TMEM181: variants seen among roughly 807,000 people sequenced by gnomAD.
TMEM181 encodes transmembrane protein 181.
In TMEM181, 39 loss-of-function variants were observed where a neutral mutation model predicts 71.9. The observed-to-expected ratio is 0.54, with a 90% CI of 0.42 to 0.71. The LOEUF is 0.71. TMEM181 is among the 30% of genes least tolerant of loss of function. TMEM181 has a pLI of 0.00. For synonymous variants in TMEM181, 245 were observed against 228.8 expected (o/e 1.07, Z -0.64); for missense variants, 595 against 583.0 (o/e 1.02, Z -0.21).
intron 12 of TMEM181, 122 bp downstream of exon 12, chr6:158,625,328 C>A: frequency 1.2e-6 from 1 of 848,700 alleles, no homozygotes; most frequent in Non-Finnish European, 1.9e-6. Flanking sequence ...GGTCCATTCC[C>A]ACAGGCTGGG....
intron 2 of TMEM181, among the ~76,000 whole-genome samples, chr6:158,573,778 C>T (rs987492228): frequency 6.6e-6 from 1 of 152,230 alleles, no homozygotes; most frequent in Non-Finnish European, 1.5e-5. Context: ...GCCTTGACCA[C>T]ATGCCTTCAT....
intron 7 of TMEM181, among the ~76,000 whole-genome samples, chr6:158,606,234 AGG>A (rs1562303652): frequency 3.9e-5 from 2 of 51,628 alleles, no homozygotes; most frequent in Non-Finnish European, 8.4e-5. Flanking sequence ...GCTGGAGGGA[AGG>A]GCGTGGGCGC....
rs1786655074 is a variant in TMEM181, at chr6:158,631,397, C to T, written c.1349+8C>T. On this transcript the variant is annotated splice_region_variant and intron_variant, in intron 16 of 16. Coordinates refer to ENST00000684151, the MANE Select transcript of TMEM181 (RefSeq NM_001376852.1). ...TGATGATGTGATTTATGGGTAAGTC[C>T]CTGTCCGTTAGAAGGCCGGCACACC... 2 of 1,614,014 alleles carry T rather than the reference C, an allele frequency of 1.2e-6. No individual in the cohort carries two copies. The highest frequency in any genetic ancestry group is 1.3e-5 in the African/African-American group (1 of 74,938).
intron 1 of TMEM181, among the ~76,000 whole-genome samples, chr6:158,546,930 A>C (rs1050918458): frequency 6.6e-6 from 1 of 152,144 alleles, no homozygotes; most frequent in Non-Finnish European, 1.5e-5. Context: ...ACTGCACTCC[A>C]GCCTGGGCGA....
upstream of TMEM181, among the ~76,000 whole-genome samples, chr6:158,559,681 C>CT (rs528376168): frequency 2.1e-3 from 316 of 152,280 alleles, no homozygotes; most frequent in African/African-American, 7.3e-3. Flanking sequence ...GGCTTTTAAC[C>CT]TTTTTTGGGG....
intron 10 of TMEM181, among the ~76,000 whole-genome samples, chr6:158,618,656 T>G (rs559829870): frequency 3.3e-4 from 50 of 152,358 alleles, no homozygotes; most frequent in African/African-American, 1.1e-3. Context: ...TGTTTAGTGC[T>G]TCCTTCAGGA....
intron 10 of TMEM181, among the ~76,000 whole-genome samples, chr6:158,611,979 C>CG (rs1554228509): frequency 2.0e-5 from 2 of 99,214 alleles, no homozygotes; most frequent in East Asian, 3.6e-4. Flanking sequence ...CAGGGATACC[C>CG]CCCCCACCTC....
chr6:158,566,684 G>C (rs1381893287), intron 1 of TMEM181, among the ~76,000 whole-genome samples: 1 of 151,048 alleles, frequency 6.6e-6, no homozygotes, highest in Non-Finnish European at 1.5e-5. Flanking sequence ...GGGTGAAGGA[G>C]ATGATGGTGA....
chr6:158,573,569 G>C, intron 2 of TMEM181, 46 bp downstream of exon 2: 1 of 1,495,760 alleles, frequency 6.7e-7, no homozygotes, highest in African/African-American at 1.4e-5. Flanking sequence ...ATGCGCGGTG[G>C]CCCTGGCGTA....
At chr6:158,541,676 G>A (rs977933589) in intron 1 of TMEM181, among the ~76,000 whole-genome samples, 4 of 152,238 alleles carry the variant, frequency 2.6e-5, no homozygotes, top group African/African-American at 9.6e-5. Flanking sequence ...TTACATTCAG[G>A]TTTAAAGGTC....
At chr6:158,560,668 G>A (rs1020825118) in intron 1 of TMEM181, among the ~76,000 whole-genome samples, 42 of 152,358 alleles carry the variant, frequency 2.8e-4, no homozygotes, top group African/African-American at 9.6e-4. Flanking sequence ...GCCCCGCGCT[G>A]CCCTGCGGTC....
At chr6:158,547,602 G>A (rs1180127741) in intron 1 of TMEM181, among the ~76,000 whole-genome samples, 7 of 152,152 alleles carry the variant, frequency 4.6e-5, no homozygotes, top group African/African-American at 7.2e-5. Flanking sequence ...GGGCCTCAGC[G>A]AAGCCCTGAA....
chr6:158,622,328 C>G (rs1261167567), intron 10 of TMEM181, among the ~76,000 whole-genome samples: 2 of 152,116 alleles, frequency 1.3e-5, no homozygotes, highest in South Asian at 2.1e-4. Flanking sequence ...GCCCCAGTCC[C>G]TGTGTGTGGG....
At chr6:158,600,706 G>A (rs1784622660) in intron 6 of TMEM181, among the ~76,000 whole-genome samples, 1 of 152,048 alleles carries the variant, frequency 6.6e-6, no homozygotes, top group Admixed American at 6.5e-5. Context: ...CCTGACCTCA[G>A]GTGATCTGCC....
At chr6:158,553,411 T>A (rs1582928842) in intron 1 of TMEM181, among the ~76,000 whole-genome samples, 1 of 152,230 alleles carries the variant, frequency 6.6e-6, no homozygotes, top group Non-Finnish European at 1.5e-5. Flanking sequence ...ATTTCTCTGT[T>A]AACCATTTTT....
chr6:158,567,452 T>G (rs1224635003), intron 1 of TMEM181, among the ~76,000 whole-genome samples: 1 of 152,258 alleles, frequency 6.6e-6, no homozygotes, highest in Admixed American at 6.5e-5. Context: ...TCAGGCACTC[T>G]GCTGTGTAGT....
rs1783411044 is a variant in TMEM181, at chr6:158,580,484, ATATAT to A, written c.113-452_113-448del. On this transcript the variant is annotated intron_variant, in intron 2 of 16. Transcript: ENST00000684151. The stretch of plus-strand genomic sequence containing the variant: ...TTTATGCTTTCCTGCTTATATTAGC[ATATAT>A]TATGTTTATAGCCCTTAATAAGTAT... Among the ~76,000 whole-genome samples the A allele has an allele frequency of 2.0e-5, 3 of 152,350 alleles. No homozygotes were observed. In the South Asian group the frequency reaches 6.2e-4, roughly 32 times the overall value.
chr6:158,592,213 T>C (rs1425909594), intron 6 of TMEM181, among the ~76,000 whole-genome samples: 1 of 152,234 alleles, frequency 6.6e-6, no homozygotes, highest in Non-Finnish European at 1.5e-5. Flanking sequence ...ATGTATTGGT[T>C]GAATGAAAGA....
chr6:158,632,138 T>C lies in TMEM181; in HGVS notation c.*250T>C. 1 of 495,778 alleles carries C rather than the reference T, an allele frequency of 2.0e-6. No individual in the cohort carries two copies. The highest frequency in any genetic ancestry group is 3.6e-6 in the Non-Finnish European group (1 of 274,648). The allele number at this position is 495,778 out of a possible 1,614,324, so 30.7% of individuals were successfully genotyped here. A position where few individuals can be genotyped will look rare whatever the true frequency, so the allele number is the denominator to read the frequency against. On this transcript the variant is annotated 3_prime_UTR_variant, in exon 17 of 17. Coordinates refer to ENST00000684151, the MANE Select transcript of TMEM181 (RefSeq NM_001376852.1). ...ACAGCCAAATCCTTTTTTACAGAGA[T>C]TTCAGATGAGCGTGTTTTCAGTGAT... is the stretch of plus-strand genomic sequence containing the variant.
Sources: allele counts gnomAD v4.1 joint callset (sites outside exome capture counted in the v4.1 genomes callset), GRCh38; gene constraint gnomAD v4.1.1; transcripts MANE v1.5; gene names NCBI Gene and HGNC (gene_info 2026-07-23, HGNC 2026-07-21).